AFAP1L1: variants seen among roughly 807,000 people sequenced by gnomAD.
AFAP1L1 encodes the protein actin filament associated protein 1 like 1.
In AFAP1L1, 77 loss-of-function variants were observed where a neutral mutation model predicts 99.8. That is an observed-to-expected ratio of 0.77 (90% CI 0.64 to 0.93). The LOEUF is 0.93. Ranked by LOEUF, AFAP1L1 falls within the 40% of genes least tolerant of loss-of-function variation. The pLI is 0.00. For missense variants in AFAP1L1, 893 were observed against 996.8 expected (o/e 0.90, Z 1.40); for synonymous variants, 373 against 395.3 (o/e 0.94, Z 0.67).
intron 12 of AFAP1L1, among the ~76,000 whole-genome samples, chr5:149,318,340 GAA>G (rs1166538706): frequency 2.6e-5 from 4 of 152,180 alleles, no homozygotes; most frequent in Admixed American, 6.5e-5. Context: ...TCCCAAGCCT[GAA>G]AGGCATTTAG....
chr5:149,279,949 A>G (rs187656046), intron 1 of AFAP1L1, among the ~76,000 whole-genome samples: 2 of 152,302 alleles, frequency 1.3e-5, no homozygotes, highest in East Asian at 3.9e-4. Flanking sequence ...GGCTTGAATT[A>G]GCTGTTCATA....
chr5:149,296,103 G>A (rs748362350), intron 1 of AFAP1L1, among the ~76,000 whole-genome samples: 2 of 152,096 alleles, frequency 1.3e-5, no homozygotes, highest in Non-Finnish European at 2.9e-5. Context: ...GCACAGTCAC[G>A]ACTCACTGCA....
chr5:149,335,779 G>A, intron 18 of AFAP1L1, 57 bp downstream of exon 18: 1 of 1,583,544 alleles, frequency 6.3e-7, no homozygotes, highest in Non-Finnish European at 8.6e-7. Flanking sequence ...CCTTTCTATG[G>A]AACTTCACCC....
In AFAP1L1 at chr5:149,302,497, G is replaced by C. The variant is rs761608169; in HGVS notation, c.407G>C (p.Gly136Ala). Residue 136 changes from glycine (G) to alanine (A), a missense_variant, in exon 5 of 19, where the codon GGC (glycine) becomes GCC (alanine). Gly to Ala is a moderately conservative substitution (Grantham distance 60). Transcript: ENST00000296721. ...GAAGAGGCCCTTCCTCTGGGACCCG[G>C]CAAGTCGCCTGAGTACATCAGCTCC... ...YYEEALPLGP[G>A]KSPEYISSHN... The C allele has an allele frequency of 6.3e-7, 1 of 1,589,390 alleles. No homozygotes were observed. The highest frequency in any genetic ancestry group is 8.6e-7 in the Non-Finnish European group (1 of 1,167,624).
intron 9 of AFAP1L1, among the ~76,000 whole-genome samples, chr5:149,313,125 T>C (rs200936267): frequency 7.7e-6 from 1 of 129,964 alleles, no homozygotes; most frequent in African/African-American, 3.2e-5. Flanking sequence ...AAGCTTCATT[T>C]AAAAAAAAAA....
chr5:149,296,879 CAA>C (rs1756035696), intron 1 of AFAP1L1, among the ~76,000 whole-genome samples: 2 of 152,150 alleles, frequency 1.3e-5, no homozygotes, highest in Non-Finnish European at 2.9e-5. Flanking sequence ...GAAGGGGAAG[CAA>C]ACACATCCTT....
chr5:149,332,588 G>A lies in AFAP1L1; in HGVS notation c.1976-107G>A, dbSNP rs1757286119. 2.4e-6 allele frequency: 3 copies of A among 1,227,726 alleles called. No individual in the cohort carries two copies. In the Admixed American group the frequency reaches 8.3e-5, roughly 34 times the overall value. 76.1% of individuals were successfully genotyped at this position (1,227,726 alleles called of 1,614,324 possible). A position where few individuals can be genotyped will look rare whatever the true frequency, so the allele number is the denominator to read the frequency against. ...GTCCATCTCTTAACCAAGACTGGGG[G>A]CTGGAAGGGCCCTCTAGGAGGGGCA... On this transcript the variant is annotated intron_variant, in intron 16 of 18. Coordinates refer to ENST00000296721, the MANE Select transcript of AFAP1L1 (RefSeq NM_152406.4).
At chr5:149,273,798 C>T (rs74512219) in intron 1 of AFAP1L1, among the ~76,000 whole-genome samples, 6,655 of 151,708 alleles carry the variant, frequency 0.044, 253 homozygotes, top group Non-Finnish European at 0.075. Flanking sequence ...CGCCACCTCC[C>T]CAACCTCTCC....
At chr5:149,339,980 G>T in intron 18 of AFAP1L1, 27 bp from the exon 19 acceptor site, 6 of 1,613,736 alleles carry the variant, frequency 3.7e-6, no homozygotes, top group Non-Finnish European at 5.1e-6. Flanking sequence ...TCAGCAAATT[G>T]ATTTGTCTTC....
At chr5:149,327,032 T>C (rs1757116390) in intron 15 of AFAP1L1, among the ~76,000 whole-genome samples, 1 of 152,128 alleles carries the variant, frequency 6.6e-6, no homozygotes, top group Admixed American at 6.5e-5. Flanking sequence ...TGACCAGTTT[T>C]CAACAAAAAT....
intron 1 of AFAP1L1, 23 bp downstream of exon 1, chr5:149,272,007 C>T: frequency 8.1e-7 from 1 of 1,239,418 alleles, no homozygotes; most frequent in Non-Finnish European, 1.0e-6. Context: ...GCGACGCCCG[C>T]ACTTGTTGCG....
intron 7 of AFAP1L1, among the ~76,000 whole-genome samples, chr5:149,308,402 C>T (rs1171176181): frequency 6.6e-6 from 1 of 152,174 alleles, no homozygotes; most frequent in African/African-American, 2.4e-5. Context: ...CATTTCCTTA[C>T]ATCTGTCTTT....
intron 16 of AFAP1L1, among the ~76,000 whole-genome samples, chr5:149,332,217 C>T (rs578064170): frequency 1.3e-5 from 2 of 152,202 alleles, no homozygotes; most frequent in African/African-American, 4.8e-5. Flanking sequence ...GCCAACATGG[C>T]AAAACCCCAT....
chr5:149,312,678 A>G (rs1398242977), intron 9 of AFAP1L1, among the ~76,000 whole-genome samples: 1 of 152,100 alleles, frequency 6.6e-6, no homozygotes, highest in African/African-American at 2.4e-5. Context: ...AGTCCTCACT[A>G]CTCAGGAGGC....
intron 1 of AFAP1L1, among the ~76,000 whole-genome samples, chr5:149,279,302 C>T (rs1033943489): frequency 2.6e-5 from 4 of 152,194 alleles, no homozygotes; most frequent in Admixed American, 1.3e-4. Flanking sequence ...TGGTAGAATA[C>T]AAGTTGCCTA....
At chr5:149,327,266 T>A (rs1200880866) in intron 15 of AFAP1L1, among the ~76,000 whole-genome samples, 5 of 136,352 alleles carry the variant, frequency 3.7e-5, no homozygotes. Flanking sequence ...ATAGCCTATA[T>A]TATTGGTAGT....
At chr5:149,321,745 A>C (rs1020935282) in intron 14 of AFAP1L1, among the ~76,000 whole-genome samples, 73 of 150,038 alleles carry the variant, frequency 4.9e-4, no homozygotes, top group African/African-American at 1.7e-3. Flanking sequence ...AAAAAAAAAA[A>C]AACAACGTTT....
chr5:149,339,935 C>T (rs1445762720), intron 18 of AFAP1L1, 72 bp from the exon 19 acceptor site: 5 of 1,551,946 alleles, frequency 3.2e-6, no homozygotes, highest in Admixed American at 1.7e-5. Context: ...AACTAGGTGC[C>T]GTGAAATCTC....
chr5:149,339,941 ATC>A, intron 18 of AFAP1L1, 64 bp from the exon 19 acceptor site: 1 of 1,584,664 alleles, frequency 6.3e-7, no homozygotes, highest in Admixed American at 1.7e-5. Context: ...GTGCCGTGAA[ATC>A]TCTTTATCCA....
Sources: allele counts gnomAD v4.1 joint callset (sites outside exome capture counted in the v4.1 genomes callset), GRCh38; gene constraint gnomAD v4.1.1; transcripts MANE v1.5; gene names NCBI Gene and HGNC (gene_info 2026-07-23, HGNC 2026-07-21).